Variants in STAU2 observed in about 807,000 individuals in gnomAD.
The protein encoded by STAU2 is staufen double-stranded RNA binding protein 2.
A neutral mutation model predicts 65.9 loss-of-function variants in STAU2; 20 were observed. The ratio of observed to expected loss-of-function variants is 0.30; its 90% CI spans 0.21 to 0.44. The LOEUF (loss-of-function observed/expected upper bound fraction) is 0.44, where lower values mean the gene tolerates loss of function less well. Among genes scored for constraint, STAU2 ranks in the 20% least tolerant of loss-of-function variants. STAU2 has a pLI of 1.00. For synonymous variants in STAU2, 232 were observed against 233.9 expected, an observed-to-expected ratio of 0.99 and a Z score of 0.07; for missense variants, 558 against 683.9, an observed-to-expected ratio of 0.82 and a Z score of 2.05.
intron 3 of STAU2, among the ~76,000 whole-genome samples, chr8:73,711,144 A>AAC (rs1205042168): frequency 1.3e-5 from 2 of 150,198 alleles, no homozygotes; most frequent in African/African-American, 2.4e-5. Context: ...AAAAAAAAAA[A>AAC]AAAAAAAAAA....
chr8:73,666,153 C>T (rs1817225000), intron 6 of STAU2, among the ~76,000 whole-genome samples: 1 of 152,090 alleles, frequency 6.6e-6, no homozygotes, highest in Non-Finnish European at 1.5e-5. Flanking sequence ...TTCCAATATG[C>T]TTTTTAAGAG....
intron 13 of STAU2, chr8:73,440,740 C>G (rs1173046106): frequency 2.6e-5 from 4 of 152,196 alleles, no homozygotes; most frequent in Non-Finnish European, 5.9e-5. Context: ...TAAATAAGAA[C>G]CGGTCACCAC....
intron 6 of STAU2, among the ~76,000 whole-genome samples, chr8:73,629,840 C>A (rs1244871874): frequency 6.6e-6 from 1 of 152,136 alleles, no homozygotes; most frequent in Non-Finnish European, 1.5e-5. Flanking sequence ...GATTATGCCT[C>A]ACTGCAGCCT....
intron 12 of STAU2, among the ~76,000 whole-genome samples, chr8:73,566,823 ATCTG>A (rs1217221658): frequency 6.6e-6 from 1 of 152,324 alleles, no homozygotes; most frequent in East Asian, 1.9e-4. Context: ...TGCTTAAAGG[ATCTG>A]TCTTTCAGAC....
chr8:73,597,513 A>AT (rs1033503255), intron 10 of STAU2, among the ~76,000 whole-genome samples: 2 of 150,710 alleles, frequency 1.3e-5, no homozygotes, highest in African/African-American at 4.9e-5. Context: ...ATAAAAAAAA[A>AT]AAAAAAATTA....
chr8:73,651,263 G>C, intron 6 of STAU2: 1 of 678,470 alleles, frequency 1.5e-6, no homozygotes, highest in South Asian at 1.6e-5. Flanking sequence ...TTGAGGAAAG[G>C]GCCAAACGCC....
At chr8:73,508,615 C>G (rs898698597) in intron 13 of STAU2, among the ~76,000 whole-genome samples, 4 of 152,142 alleles carry the variant, frequency 2.6e-5, no homozygotes, top group African/African-American at 7.2e-5. Flanking sequence ...AAAAATGGTG[C>G]TGATAGACGC....
chr8:73,661,174 C>G (rs892502072), intron 6 of STAU2, among the ~76,000 whole-genome samples: 1 of 152,118 alleles, frequency 6.6e-6, no homozygotes, highest in Non-Finnish European at 1.5e-5. Context: ...ATGATTCCAA[C>G]TCCAGAGTTT....
chr8:73,424,494 C>A (rs895377723), intron 13 of STAU2, among the ~76,000 whole-genome samples: 2 of 152,064 alleles, frequency 1.3e-5, no homozygotes, highest in South Asian at 2.1e-4. Flanking sequence ...AGCCACTGCA[C>A]CCGGCCCCTC....
At chr8:73,541,222 AGAG>A (rs1398426313) in intron 13 of STAU2, among the ~76,000 whole-genome samples, 1 of 151,960 alleles carries the variant, frequency 6.6e-6, no homozygotes, top group African/African-American at 2.4e-5. Context: ...CTAGAAATTT[AGAG>A]GAGGAAATGC....
intron 13 of STAU2, among the ~76,000 whole-genome samples, chr8:73,477,479 A>C (rs1388341882): frequency 6.6e-6 from 1 of 152,228 alleles, no homozygotes. Context: ...TTTTATTGTG[A>C]GTCACAGTCC....
chr8:73,691,530 A>G (rs748972984), intron 4 of STAU2, among the ~76,000 whole-genome samples: 140 of 152,018 alleles, frequency 9.2e-4, no homozygotes, highest in Non-Finnish European at 1.7e-3. Context: ...TCCTGCTTGC[A>G]ATTAACAACT....
At chr8:73,454,970 T>C (rs1818985309) in intron 13 of STAU2, among the ~76,000 whole-genome samples, 1 of 152,156 alleles carries the variant, frequency 6.6e-6, no homozygotes, top group South Asian at 2.1e-4. Flanking sequence ...AGAGGTAGTT[T>C]AGGCAGGACC....
chr8:73,657,140 A>G (rs2130287950), intron 6 of STAU2, among the ~76,000 whole-genome samples: 1 of 152,348 alleles, frequency 6.6e-6, no homozygotes, highest in East Asian at 1.9e-4. Context: ...ATTTTAACAC[A>G]TCACTCTCAG....
intron 12 of STAU2, among the ~76,000 whole-genome samples, chr8:73,580,779 G>C (rs1362698500): frequency 2.0e-5 from 3 of 152,126 alleles, no homozygotes; most frequent in Non-Finnish European, 4.4e-5. Flanking sequence ...TCAGAGCTGG[G>C]CTGCCCTTAT....
At chr8:73,498,599 C>A (rs1388311797) in intron 13 of STAU2, among the ~76,000 whole-genome samples, 2 of 151,634 alleles carry the variant, frequency 1.3e-5, no homozygotes, top group African/African-American at 4.8e-5. Context: ...ATTTGTGTAA[C>A]TGGCACTATG....
chr8:73,433,369 T>A (rs1489531995), intron 13 of STAU2, among the ~76,000 whole-genome samples: 1 of 150,936 alleles, frequency 6.6e-6, no homozygotes, highest in Non-Finnish European at 1.5e-5. Context: ...GACACCCAGC[T>A]AATTTTTTGT....
At chr8:73,699,517 A>C (rs1819930276) in intron 4 of STAU2, among the ~76,000 whole-genome samples, 1 of 152,126 alleles carries the variant, frequency 6.6e-6, no homozygotes, top group Non-Finnish European at 1.5e-5. Context: ...AATTCAAAGG[A>C]TCGTTAGTGA....
chr8:73,560,025 C>T (rs1808085963), intron 12 of STAU2, among the ~76,000 whole-genome samples: 1 of 150,442 alleles, frequency 6.6e-6, no homozygotes, highest in South Asian at 2.1e-4. Flanking sequence ...GTTTCAGAAT[C>T]ACCTTGGAAA....
Sources: gnomAD v4.1 joint callset for allele counts (sites outside exome capture counted in the v4.1 genomes callset) on GRCh38, gnomAD v4.1.1 for gene constraint, MANE v1.5 for transcripts, NCBI Gene and HGNC (gene_info 2026-07-23, HGNC 2026-07-21) for gene names.